ZDHHC14: variants seen among roughly 807,000 people sequenced by gnomAD.
ZDHHC14 encodes the protein palmitoyltransferase ZDHHC14.
ZDHHC14 carries 16 observed loss-of-function variants against 47.7 expected under a neutral mutation model. The observed-to-expected ratio is 0.34, with a 90% CI of 0.23 to 0.51. The LOEUF (loss-of-function observed/expected upper bound fraction) is 0.51. ZDHHC14 is among the 20% of genes least tolerant of loss of function. The pLI is 0.97. For synonymous variants in ZDHHC14, 293 were observed against 278.9 expected, an observed-to-expected ratio of 1.05 and a Z score of -0.50; for missense variants, 515 against 662.5, an observed-to-expected ratio of 0.78 and a Z score of 2.44.
At chr6:157,635,244 C>T (rs549778932) in intron 5 of ZDHHC14, among the ~76,000 whole-genome samples, 4 of 152,264 alleles carry the variant, frequency 2.6e-5, no homozygotes, top group East Asian at 1.9e-4. Context: ...CTGCCTGCCT[C>T]GGCCTCCCAA....
At position 157,672,930 on chromosome 6, in the gene ZDHHC14, C is replaced by T. The variant is rs772428961; in HGVS notation, c.1275C>T (p.Asp425=). The T allele has an allele frequency of 3.0e-5, 48 of 1,601,976 alleles. No individual in the cohort carries two copies. The Middle Eastern group carries it at 7.2e-4, about 24-fold the overall frequency. The change falls in exon 9 of 9, where the codon GAC becomes GAT. Residue 425 remains aspartate, a synonymous_variant. Coordinates refer to ENST00000359775, the MANE Select transcript of ZDHHC14 (RefSeq NM_024630.3). ...ACCTCGCCGAGGCCACGCTCGCGGA[C>T]GTGATGCCCCGGAAAGATGAGCACA... ...MPNLAEATLA[D]VMPRKDEHMG...
intron 1 of ZDHHC14, among the ~76,000 whole-genome samples, chr6:157,526,539 A>G (rs1009406667): frequency 2.0e-5 from 3 of 152,240 alleles, no homozygotes; most frequent in Non-Finnish European, 4.4e-5. Context: ...GGGATAGGAT[A>G]GTACCTCTCT....
In ZDHHC14 at chr6:157,427,426, T is replaced by G. The variant is rs1463106322; in HGVS notation, c.245+45160T>G. Among the ~76,000 whole-genome samples the G allele has an allele frequency of 6.6e-6, 1 of 152,068 alleles. No individual in the cohort carries two copies. Among genetic ancestry groups the G allele is most frequent in the Non-Finnish European group, 1.5e-5 (1 of 68,002 alleles). On this transcript the variant is annotated intron_variant, in intron 1 of 8. Transcript: ENST00000359775. The surrounding 1 kb of genome is among the most constrained non-coding windows in gnomAD (Gnocchi z 4.4). ...TGGAGGGCATTTATGTTTTGGGGAA[T>G]CTGCTTCCCACTCTGCTTTCTCCAG...
chr6:157,460,591 A>G (rs1779055496), intron 1 of ZDHHC14, among the ~76,000 whole-genome samples: 1 of 152,138 alleles, frequency 6.6e-6, no homozygotes, highest in South Asian at 2.1e-4. Flanking sequence ...TAGGAAAGGA[A>G]TCATTTAGAT....
intron 2 of ZDHHC14, chr6:157,592,782 G>A (rs1038790092): frequency 7.3e-6 from 10 of 1,378,280 alleles, no homozygotes; most frequent in Middle Eastern, 5.4e-4. Flanking sequence ...GCTCAGTCAC[G>A]TGGCCCCTGC....
intron 3 of ZDHHC14, among the ~76,000 whole-genome samples, chr6:157,608,271 T>C (rs1784619570): frequency 6.6e-6 from 1 of 151,268 alleles, no homozygotes; most frequent in Non-Finnish European, 1.5e-5. Context: ...TGACGGCCGA[T>C]TATATGGGCT....
chr6:157,411,430 G>A (rs1456120292), intron 1 of ZDHHC14, among the ~76,000 whole-genome samples: 2 of 152,170 alleles, frequency 1.3e-5, no homozygotes, highest in African/African-American at 4.8e-5. Flanking sequence ...TCATATAATT[G>A]TGCATAAGGA....
At chr6:157,440,119 C>T (rs181400627) in intron 1 of ZDHHC14, among the ~76,000 whole-genome samples, 1 of 151,780 alleles carries the variant, frequency 6.6e-6, no homozygotes, top group Admixed American at 6.6e-5. Context: ...ACACGTTTAC[C>T]TATGTAGCAA....
intron 1 of ZDHHC14, among the ~76,000 whole-genome samples, chr6:157,459,351 T>A (rs1779009959): frequency 6.6e-6 from 1 of 152,194 alleles, no homozygotes; most frequent in Non-Finnish European, 1.5e-5. Flanking sequence ...ATCCCCTTCT[T>A]CACCAGCTGT....
intron 3 of ZDHHC14, among the ~76,000 whole-genome samples, chr6:157,627,573 C>T (rs1288210196): frequency 6.6e-6 from 1 of 152,150 alleles, no homozygotes; most frequent in African/African-American, 2.4e-5. Context: ...ACTTAGGGTA[C>T]CATGGGTAAC....
chr6:157,460,405 GA>G (rs1164382844), intron 1 of ZDHHC14, among the ~76,000 whole-genome samples: 730 of 43,374 alleles, frequency 0.017, 2 homozygotes, highest in Admixed American at 0.025. Flanking sequence ...TCTCTCTCTG[GA>G]AAAAAAAAAA....
intron 1 of ZDHHC14, among the ~76,000 whole-genome samples, chr6:157,437,756 T>A (rs1271525194): frequency 6.6e-6 from 1 of 152,228 alleles, no homozygotes; most frequent in Non-Finnish European, 1.5e-5. Flanking sequence ...AATTCATATA[T>A]TTAAAACCAA....
At chr6:157,565,799 G>A (rs1004283491) in intron 2 of ZDHHC14, among the ~76,000 whole-genome samples, 3 of 146,548 alleles carry the variant, frequency 2.0e-5, no homozygotes, top group Admixed American at 6.8e-5. Flanking sequence ...GCAAGACTCC[G>A]TCTCCAAAAA....
At chr6:157,652,980 A>T (rs1434069257) in intron 7 of ZDHHC14, among the ~76,000 whole-genome samples, 2 of 152,104 alleles carry the variant, frequency 1.3e-5, no homozygotes, top group East Asian at 3.9e-4. Flanking sequence ...AAGAATGGAG[A>T]GCAGAGGGGC....
intron 5 of ZDHHC14, 144 bp downstream of exon 5, chr6:157,633,026 C>A: frequency 1.2e-6 from 1 of 845,054 alleles, no homozygotes; most frequent in Non-Finnish European, 2.0e-6. Flanking sequence ...TTCACTGGCA[C>A]GAGTAGTAGC....
intron 2 of ZDHHC14, among the ~76,000 whole-genome samples, chr6:157,560,575 A>G (rs1336593896): frequency 6.6e-6 from 1 of 152,142 alleles, no homozygotes; most frequent in Non-Finnish European, 1.5e-5. Context: ...TTGTGATTGG[A>G]CTGGCAAGTA....
At chr6:157,530,440 GA>G (rs1781321638) in intron 1 of ZDHHC14, among the ~76,000 whole-genome samples, 2 of 152,196 alleles carry the variant, frequency 1.3e-5, no homozygotes, top group African/African-American at 4.8e-5. Flanking sequence ...TCCCTTTAGA[GA>G]AGGAAAAAAT....
intron 3 of ZDHHC14, among the ~76,000 whole-genome samples, chr6:157,601,256 A>G (rs1170303952): frequency 6.6e-6 from 1 of 152,272 alleles, no homozygotes; most frequent in Non-Finnish European, 1.5e-5. Context: ...TCTTTATAGC[A>G]AAACACTGCC....
At chr6:157,474,388 G>A (rs1440822373) in intron 1 of ZDHHC14, among the ~76,000 whole-genome samples, 1 of 152,218 alleles carries the variant, frequency 6.6e-6, no homozygotes, top group Admixed American at 6.5e-5. Context: ...GAGTGCACAT[G>A]TCTCTTTGAC....
Sources: allele counts gnomAD v4.1 joint callset (sites outside exome capture counted in the v4.1 genomes callset), GRCh38; gene constraint gnomAD v4.1.1; non-coding constraint Gnocchi (gnomAD v3.1); transcripts MANE v1.5; gene names NCBI Gene and HGNC (gene_info 2026-07-23, HGNC 2026-07-21).